The following CPTP variants were observed in gnomAD, a reference collection of about 807,000 sequenced individuals.
CPTP encodes the protein ceramide-1-phosphate transfer protein, also known as GLTP domain-containing protein 1.
A neutral mutation model predicts 5.7 loss-of-function variants in CPTP; 5 were observed. That is an observed-to-expected ratio of 0.88 (90% CI 0.46 to 1.86). CPTP has a LOEUF of 1.86. Among genes scored for constraint, CPTP ranks in the 40% most tolerant of loss-of-function variants. CPTP has a pLI of 0.01. For synonymous variants in CPTP, 166 were observed against 142.7 expected (o/e 1.16, Z -1.16); for missense variants, 335 against 306.5 (o/e 1.09, Z -0.69).
Position 1,327,552 on chromosome 1 carries a change from C to T in CPTP, c.434C>T (p.Ser145Leu), listed in dbSNP as rs1446375296. The change falls in exon 3 of 3, where the codon TCG (serine) becomes TTG (leucine). Residue 145 changes from serine (S) to leucine (L), a missense_variant. Physicochemically the swap from Ser to Leu is moderately radical, Grantham distance 145. Coordinates refer to ENST00000343938, the MANE Select transcript of CPTP (RefSeq NM_001029885.2). ...SALCADSYNA[S>L]LAAYHPWVVR... ...CTCTGCGCCGACTCCTACAACGCCT[C>T]GCTGGCCGCCTACCACCCCTGGGTC... The T allele has an allele frequency of 6.9e-6, 11 of 1,595,454 alleles. No homozygotes were observed. The highest frequency in any genetic ancestry group is 2.3e-5 in the East Asian group (1 of 44,128).
rs374692614 is a variant in CPTP at position 1,326,973 on chromosome 1, C to T, written c.63C>T (p.Leu21=). 281 of 1,613,762 alleles carry T rather than the reference C, an allele frequency of 1.7e-4. 1 individual carries two copies. Among genetic ancestry groups the T allele is most frequent in the Non-Finnish European group, 2.2e-4 (264 of 1,180,002 alleles). ...KVVLVSFKQC[L]DEKEEVLLDP... ...TCCTGGTCAGTTTCAAGCAGTGTCT[C>T]GATGAGAAGGAAGAGGTCTTGCTGG... Residue 21 remains leucine, a synonymous_variant, in exon 2 of 3, where the codon CTC becomes CTT. Transcript: ENST00000343938.
chr1:1,326,093 G>T (rs1643295495), intron 1 of CPTP, among the ~76,000 whole-genome samples: 2 of 152,374 alleles, frequency 1.3e-5, no homozygotes, highest in Non-Finnish European at 1.5e-5. Context: ...CCAAAGCAGG[G>T]CCTGGGCCAC....
Position 1,327,389 on chromosome 1 carries a change from C to T in CPTP, c.271C>T (p.Leu91=). The change falls in exon 3 of 3, where the codon CTG becomes TTG. Residue 91 remains leucine, a synonymous_variant. Transcript: ENST00000343938. ...AMVAHELSNR[L]VDLERRSHHP... ...GGTGGCCCACGAGCTGAGCAACCGG[C>T]TGGTGGACCTGGAGCGCCGCTCCCA... 6.3e-7 allele frequency: 1 copy of T among 1,597,022 alleles called. No homozygotes were observed. Among genetic ancestry groups the T allele is most frequent in the South Asian group, 1.1e-5 (1 of 90,696 alleles).
chr1:1,327,426 C>T lies in CPTP; in HGVS notation c.308C>T (p.Ser103Phe). ...DLERRSHHPE[S>F]GCRTVLRLHR... ...GAGCGCCGCTCCCACCACCCGGAGTCTGGCTGCCGGACGGTGCTGCGCCTG... is the reference window on the plus strand; with the variant it reads ...GAGCGCCGCTCCCACCACCCGGAGTTTGGCTGCCGGACGGTGCTGCGCCTG... Residue 103 changes from serine (S) to phenylalanine (F), a missense_variant, in exon 3 of 3, where the codon TCT becomes TTT. Transcript: ENST00000343938. 1.3e-6 allele frequency: 2 copies of T among 1,587,232 alleles called. No homozygotes were observed. The highest frequency in any genetic ancestry group is 1.7e-6 in the Non-Finnish European group (2 of 1,172,990).
In CPTP at chr1:1,327,315, G is replaced by C. The variant is rs148629756; in HGVS notation, c.197G>C (p.Arg66Pro). The change falls in exon 3 of 3, where the codon CGC (arginine) becomes CCC (proline). Residue 66 changes from arginine to proline, a missense_variant. Physicochemically the swap from Arg to Pro is moderately radical, Grantham distance 103 (BLOSUM62 -2). Coordinates refer to ENST00000343938, the MANE Select transcript of CPTP (RefSeq NM_001029885.2). ...DVVSKLRIMERLRGGPQSEHY... is the reference protein window; with the variant it reads ...DVVSKLRIMEPLRGGPQSEHY... ...GTCTCCAAGCTGCGGATCATGGAGCGCCTCAGGGGCGGCCCGCAGAGCGAG... is the reference window on the plus strand; with the variant it reads ...GTCTCCAAGCTGCGGATCATGGAGCCCCTCAGGGGCGGCCCGCAGAGCGAG... 2 of 1,597,864 alleles carry C rather than the reference G, an allele frequency of 1.3e-6. No individual in the cohort carries two copies. The highest frequency in any genetic ancestry group is 1.7e-6 in the Non-Finnish European group (2 of 1,179,394).
In CPTP at chr1:1,327,535, C is replaced by T. The variant is rs770886164; in HGVS notation, c.417C>T (p.Ala139=). Residue 139 remains alanine (A), a synonymous_variant, in exon 3 of 3, where the codon GCC becomes GCT. Transcript: ENST00000343938. ...ACGCACGCACCTCCGCGCTCTGCGC[C>T]GACTCCTACAACGCCTCGCTGGCCG... ...PEDARTSALC[A]DSYNASLAAY... The T allele has an allele frequency of 1.1e-4, 180 of 1,586,678 alleles. No homozygotes were observed. The highest frequency in any genetic ancestry group is 1.6e-4 in the Admixed American group (9 of 56,226).
Position 1,327,266 on chromosome 1 carries a change from T to C in CPTP, c.148T>C (p.Phe50Leu), listed in dbSNP as rs1643326694. 1 of 1,597,844 alleles carries C rather than the reference T, an allele frequency of 6.3e-7. No individual in the cohort carries two copies. Among genetic ancestry groups the C allele is most frequent in the Non-Finnish European group, 8.5e-7 (1 of 1,179,446 alleles). ...VRFLNSLGTI[F>L]SFISKDVVSK... ...GTTTCTGAACAGCCTGGGCACCATC[T>C]TCTCATTCATCTCCAAGGACGTGGT... The change falls in exon 3 of 3, where the codon TTC becomes CTC. Residue 50 changes from phenylalanine to leucine, a missense_variant. Physicochemically the swap from Phe to Leu is conservative, Grantham distance 22. Transcript: ENST00000343938.
At position 1,324,965 on chromosome 1, in the gene CPTP, C is replaced by T. The variant is rs1287171119; in HGVS notation, c.-213C>T. ...CGGGCGGCCGAGGACCCGGCTCCCG[C>T]GCAGGACGGAGCCGTGGCTCAGGTC... is the stretch of plus-strand genomic sequence containing the variant. On this transcript the variant is annotated 5_prime_UTR_variant, in exon 1 of 3. Transcript: ENST00000343938. 2 of 272,798 alleles carry T rather than the reference C, an allele frequency of 7.3e-6. No homozygotes were observed. The highest frequency in any genetic ancestry group is 1.4e-5 in the Non-Finnish European group (2 of 146,004). The allele number at this position is 272,798 out of a possible 1,614,324, so 16.9% of individuals were successfully genotyped here. A position where few individuals can be genotyped will look rare whatever the true frequency, so the allele number is the denominator to read the frequency against.
chr1:1,327,941 C>G lies in CPTP; in HGVS notation c.*178C>G. ...TGTGACAGAGAAGGTGGCGACCAGC[C>G]CAGAAGAGGCCCACCCTCTCGGTCC... On this transcript the variant is annotated 3_prime_UTR_variant, in exon 3 of 3. Transcript: ENST00000343938. The G allele has an allele frequency of 1.5e-6, 1 of 687,942 alleles. No individual in the cohort carries two copies. The highest frequency in any genetic ancestry group is 2.4e-6 in the Non-Finnish European group (1 of 415,774). 42.6% of individuals were successfully genotyped at this position (687,942 alleles called of 1,614,324 possible).
In CPTP at chr1:1,324,865, C is replaced by T. The variant is rs1307707916; in HGVS notation, c.-313C>T. ...GGACTCGGCGGCCGCACCTGCCCAA[C>T]CCAACCCGCACGGTCCGGAAGTCGC... On this transcript the variant is annotated 5_prime_UTR_variant, in exon 1 of 3. Coordinates refer to ENST00000343938, the MANE Select transcript of CPTP (RefSeq NM_001029885.2). 8.5e-6 allele frequency: 4 copies of T among 468,594 alleles called. No individual in the cohort carries two copies. The highest frequency in any genetic ancestry group is 1.5e-5 in the Non-Finnish European group (4 of 266,384). The allele number at this position is 468,594 out of a possible 1,614,324, so 29.0% of individuals were successfully genotyped here. A position where few individuals can be genotyped will look rare whatever the true frequency, so the allele number is the denominator to read the frequency against.
At position 1,327,712 on chromosome 1, in the gene CPTP, C is replaced by CA; in HGVS notation, c.596dup (p.Asn199LysfsTer132). Reference sequence around the variant, plus strand: ...CCCTCCCCTTCATCCAGCGTGTCTACAACGTCTCCCAGAAGCTCTACGCCG... The same window carrying CA: ...CCCTCCCCTTCATCCAGCGTGTCTACAAACGTCTCCCAGAAGCTCTACGCCG... On this transcript the variant is annotated frameshift_variant, in exon 3 of 3. Coordinates refer to ENST00000343938, the MANE Select transcript of CPTP (RefSeq NM_001029885.2). LOFTEE classifies it high-confidence loss of function. 6.2e-7 allele frequency: 1 copy of CA among 1,612,734 alleles called. No homozygotes were observed. The highest frequency in any genetic ancestry group is 8.5e-7 in the Non-Finnish European group (1 of 1,179,910).
chr1:1,328,151 G>A lies in CPTP; in HGVS notation c.*388G>A, dbSNP rs913225979. 4.3e-5 allele frequency: 13 copies of A among 299,592 alleles called. No homozygotes were observed. The highest frequency in any genetic ancestry group is 6.3e-5 in the Non-Finnish European group (10 of 158,622). The allele number at this position is 299,592 out of a possible 1,614,324, so 18.6% of individuals were successfully genotyped here. Reference sequence around the variant, plus strand: ...GAACCAGGGTGAAGTCACAGGTCCCGGGGTGTGGAGGCTCCATCCTTTCTC... The same window carrying A: ...GAACCAGGGTGAAGTCACAGGTCCCAGGGTGTGGAGGCTCCATCCTTTCTC... On this transcript the variant is annotated 3_prime_UTR_variant, in exon 3 of 3. Transcript: ENST00000343938.
chr1:1,325,708 C>T (rs1643283403), intron 1 of CPTP: 1 of 152,346 alleles, frequency 6.6e-6, no homozygotes, highest in African/African-American at 2.4e-5. Flanking sequence ...CAGCCTGGGC[C>T]ACGGGCTGGG....
Position 1,327,447 on chromosome 1 carries a change from G to T in CPTP, c.329G>T (p.Arg110Leu). 6.3e-7 allele frequency: 1 copy of T among 1,575,240 alleles called. No homozygotes were observed. The highest frequency in any genetic ancestry group is 8.6e-7 in the Non-Finnish European group (1 of 1,166,918). The change falls in exon 3 of 3, where the codon CGC becomes CTC. Residue 110 changes from arginine to leucine, a missense_variant. Physicochemically the swap from Arg to Leu is moderately radical, Grantham distance 102 (BLOSUM62 -2). Transcript: ENST00000343938. ...GAGTCTGGCTGCCGGACGGTGCTGCGCCTGCACCGCGCCCTGCACTGGCTG... is the reference window on the plus strand; with the variant it reads ...GAGTCTGGCTGCCGGACGGTGCTGCTCCTGCACCGCGCCCTGCACTGGCTG... Reference protein sequence around the residue: ...HPESGCRTVLRLHRALHWLQL... With the variant: ...HPESGCRTVLLLHRALHWLQL...
Position 1,328,842 on chromosome 1 carries a change from G to A in CPTP, c.*1079G>A, listed in dbSNP as rs1643366483. ...GCTTCCAGAGTGCAATCTATGTGAT[G>A]TCTTCCAACGTTAATAAATCACACA... is the stretch of plus-strand genomic sequence containing the variant. On this transcript the variant is annotated 3_prime_UTR_variant, in exon 3 of 3. Transcript: ENST00000343938. The A allele has an allele frequency of 6.6e-6, 1 of 152,404 alleles. No individual in the cohort carries two copies. The highest frequency in any genetic ancestry group is 2.4e-5 in the African/African-American group (1 of 41,466). The allele number at this position is 152,404 out of a possible 1,614,324, so 9.4% of individuals were successfully genotyped here. A position where few individuals can be genotyped will look rare whatever the true frequency, so the allele number is the denominator to read the frequency against.
rs1313404860 is a variant in CPTP at position 1,328,409 on chromosome 1, TCA to T, written c.*649_*650del. ...AGCCGGAAGCTGAGACCAAGGCTCC[TCA>T]CAGAAGGGCCCAGGAAGTCCCCGCC... On this transcript the variant is annotated 3_prime_UTR_variant, in exon 3 of 3. Transcript: ENST00000343938. The T allele has an allele frequency of 6.5e-6, 1 of 153,956 alleles. No homozygotes were observed. Among genetic ancestry groups the T allele is most frequent in the African/African-American group, 2.4e-5 (1 of 41,448 alleles). The allele number at this position is 153,956 out of a possible 1,614,324, so 9.5% of individuals were successfully genotyped here.
At position 1,327,433 on chromosome 1, in the gene CPTP, C is replaced by T. The variant is rs1379401018; in HGVS notation, c.315C>T (p.Cys105=). 1.3e-6 allele frequency: 2 copies of T among 1,582,582 alleles called. No individual in the cohort carries two copies. The highest frequency in any genetic ancestry group is 1.1e-5 in the South Asian group (1 of 89,048). Residue 105 remains cysteine, a synonymous_variant, in exon 3 of 3, where the codon TGC becomes TGT. Coordinates refer to ENST00000343938, the MANE Select transcript of CPTP (RefSeq NM_001029885.2). The part of the protein sequence containing the change: ...ERRSHHPESG[C]RTVLRLHRAL... ...GCTCCCACCACCCGGAGTCTGGCTG[C>T]CGGACGGTGCTGCGCCTGCACCGCG...
chr1:1,327,217 C>G (rs758202443), intron 2 of CPTP, 24 bp from the exon 3 acceptor site: 1 of 1,593,176 alleles, frequency 6.3e-7, no homozygotes, highest in South Asian at 1.1e-5. Flanking sequence ...TGGGCGAGGA[C>G]TCGAGCCCCG....
At chr1:1,327,165 C>A in intron 2 of CPTP, 76 bp from the exon 3 acceptor site, 1 of 1,583,720 alleles carries the variant, frequency 6.3e-7, no homozygotes, top group Admixed American at 1.7e-5. Flanking sequence ...CCCCCGCAGG[C>A]TGGGCAGCGT....
Sources: allele counts gnomAD v4.1 joint callset (sites outside exome capture counted in the v4.1 genomes callset), GRCh38; gene constraint gnomAD v4.1.1; transcripts MANE v1.5; gene names NCBI Gene and HGNC (gene_info 2026-07-23, HGNC 2026-07-21).